The following SLC5A10 variants were observed in gnomAD, a reference collection of about 807,000 sequenced individuals.
SLC5A10 encodes the protein sodium/mannose cotransporter SLC5A10.
A neutral mutation model predicts 68.9 loss-of-function variants in SLC5A10; 55 were observed. That is an observed-to-expected ratio of 0.80 (90% CI 0.64 to 1.00). The LOEUF is 1.00. Ranked by LOEUF, SLC5A10 falls within the 50% of genes least tolerant of loss-of-function variation. SLC5A10 has a pLI of 0.00. For synonymous variants in SLC5A10, 344 were observed against 344.8 expected (o/e 1.00, Z 0.02); for missense variants, 732 against 819.3 (o/e 0.89, Z 1.30).
At chr17:18,951,870 C>A (rs1375371853), upstream of SLC5A10, 3 of 296,622 alleles carry the variant, frequency 1.0e-5, no homozygotes, top group Non-Finnish European at 1.9e-5. Context: ...GCAACCCAGC[C>A]TTTCTGGGAC....
Position 19,021,823 on chromosome 17 carries a change from CAGTT to C in SLC5A10, c.*1395_*1398del. Reference sequence around the variant, plus strand: ...CCAGTTTGTGCAGAGCGGCCGGAGGCAGTTAGGAGCCCACGTTCAGTCCAAGGCC... The same window carrying C: ...CCAGTTTGTGCAGAGCGGCCGGAGGCAGGAGCCCACGTTCAGTCCAAGGCC... On this transcript the variant is annotated 3_prime_UTR_variant, in exon 15 of 15. Transcript: ENST00000395645. This position sits in a 1 kb window ranked among gnomAD's most constrained non-coding sequence, Gnocchi z 4.1. The C allele has an allele frequency of 1.1e-6, 1 of 875,264 alleles. No individual in the cohort carries two copies. The allele number at this position is 875,264 out of a possible 1,614,324, so 54.2% of individuals were successfully genotyped here.
chr17:18,958,203 G>T (rs1264106783), intron 1 of SLC5A10, among the ~76,000 whole-genome samples: 1 of 152,116 alleles, frequency 6.6e-6, no homozygotes, highest in African/African-American at 2.4e-5. Context: ...CCTAAGTAGC[G>T]GGGGCCACAG....
rs192494456 is a variant in SLC5A10 at position 18,978,928 on chromosome 17, T to C, written c.982+1939T>C. The C allele has an allele frequency of 1.8e-4, 275 of 1,531,510 alleles. No homozygotes were observed. In the African/African-American group the frequency reaches 3.3e-3, roughly 18 times the overall value. The allele number at this position is 1,531,510 out of a possible 1,614,324, so 94.9% of individuals were successfully genotyped here. A position where few individuals can be genotyped will look rare whatever the true frequency, so the allele number is the denominator to read the frequency against. ...CCAGCCCCCGTGCACCCATAGCCGCTGGGCCTCAGACTGTGGCCACAGGGC... is the reference window on the plus strand; with the variant it reads ...CCAGCCCCCGTGCACCCATAGCCGCCGGGCCTCAGACTGTGGCCACAGGGC... On this transcript the variant is annotated intron_variant, in intron 9 of 14. Transcript: ENST00000395645.
intron 9 of SLC5A10, chr17:18,977,858 C>T (rs771971752): frequency 1.2e-6 from 2 of 1,610,906 alleles, no homozygotes; most frequent in Admixed American, 1.7e-5. Flanking sequence ...GGGGCCAGGG[C>T]CACGGCCGGA....
At chr17:18,962,249 C>T (rs576951805) in intron 5 of SLC5A10, among the ~76,000 whole-genome samples, 3 of 152,162 alleles carry the variant, frequency 2.0e-5, no homozygotes, top group East Asian at 3.9e-4. Context: ...GAGGACACAG[C>T]GGGGCTTGCT....
At chr17:19,010,108 C>T (rs1262473837) in intron 9 of SLC5A10, among the ~76,000 whole-genome samples, 3 of 152,038 alleles carry the variant, frequency 2.0e-5, no homozygotes, top group African/African-American at 4.8e-5. Flanking sequence ...ACCCCGGCAG[C>T]GGCTGGAGAG....
At chr17:18,976,701 T>G in intron 8 of SLC5A10, 153 bp from the exon 9 acceptor site, 2 of 969,454 alleles carry the variant, frequency 2.1e-6, no homozygotes, top group Non-Finnish European at 1.5e-6. Flanking sequence ...ACCCTGACAG[T>G]ATTGGGGCTT....
Position 19,021,954 on chromosome 17 carries a change from G to A in SLC5A10, c.*1523G>A. 1 of 1,519,754 alleles carries A rather than the reference G, an allele frequency of 6.6e-7. No homozygotes were observed. Among genetic ancestry groups the A allele is most frequent in the Non-Finnish European group, 8.8e-7 (1 of 1,135,082 alleles). The allele number at this position is 1,519,754 out of a possible 1,614,324, so 94.1% of individuals were successfully genotyped here. ...GCCCGTTGGCCAGATCGGCCGCCGG[G>A]CTGCTCACAGGTGCACGGGCTGCAC... On this transcript the variant is annotated 3_prime_UTR_variant, in exon 15 of 15. Transcript: ENST00000395645. This position sits in a 1 kb window ranked among gnomAD's most constrained non-coding sequence, Gnocchi z 4.1.
Position 18,976,875 on chromosome 17 carries a change from T to A in SLC5A10, c.868T>A (p.Ser290Thr). Reference protein sequence around the residue: ...TDQVIVQRSLSARDLNHAKAG... With the variant: ...TDQVIVQRSLTARDLNHAKAG... Reference sequence around the variant, plus strand: ...CCAGGTCATCGTGCAGCGATCACTGTCAGCCCGGGACCTGAACCATGCCAA... The same window carrying A: ...CCAGGTCATCGTGCAGCGATCACTGACAGCCCGGGACCTGAACCATGCCAA... The change falls in exon 9 of 15, where the codon TCA (serine) becomes ACA (threonine). Residue 290 changes from serine (S) to threonine (T), a missense_variant. By Grantham distance (58) the Ser-to-Thr change is moderately conservative (BLOSUM62 1). Transcript: ENST00000395645. 1 of 1,613,610 alleles carries A rather than the reference T, an allele frequency of 6.2e-7. No homozygotes were observed. The highest frequency in any genetic ancestry group is 8.5e-7 in the Non-Finnish European group (1 of 1,180,012).
chr17:18,969,408 T>A lies in SLC5A10; in HGVS notation c.626T>A (p.Ile209Asn), dbSNP rs201844800. ...CTCATCATGGTGGTGGGGGCTGTCA[T>A]CCTGACAATCAAAGGTGAGGACAGA... ...QTLIMVVGAV[I>N]LTIKAFDQIG... The change falls in exon 7 of 15, where the codon ATC becomes AAC. Residue 209 changes from isoleucine (I) to asparagine (N), a missense_variant. Transcript: ENST00000395645. The A allele has an allele frequency of 4.4e-5, 71 of 1,613,750 alleles. 1 individual carries two copies. In the Admixed American group the frequency reaches 1.0e-3, roughly 23 times the overall value.
intron 9 of SLC5A10, chr17:18,978,560 TC>T: frequency 1.7e-5 from 27 of 1,613,252 alleles, no homozygotes; most frequent in Non-Finnish European, 2.1e-5. Context: ...CTTCTTGGCC[TC>T]CTGCTTCTCA....
At chr17:18,976,467 T>G in intron 8 of SLC5A10, 1 of 178,126 alleles carries the variant, frequency 5.6e-6, no homozygotes, top group Non-Finnish European at 1.2e-5. Context: ...CCTGGCACTA[T>G]AAATGTGCCA....
At chr17:18,954,486 C>T (rs2042447344) in intron 1 of SLC5A10, among the ~76,000 whole-genome samples, 1 of 152,172 alleles carries the variant, frequency 6.6e-6, no homozygotes, top group Non-Finnish European at 1.5e-5. Flanking sequence ...CTAGGCTGGC[C>T]CAGCTGGGAG....
intron 8 of SLC5A10, among the ~76,000 whole-genome samples, chr17:18,975,276 C>G (rs1037776991): frequency 6.6e-6 from 1 of 152,220 alleles, no homozygotes; most frequent in African/African-American, 2.4e-5. Context: ...GCCCTGCGTT[C>G]GGAGGCTGCA....
chr17:18,984,842 T>C (rs2043229500), intron 9 of SLC5A10, among the ~76,000 whole-genome samples: 1 of 152,178 alleles, frequency 6.6e-6, no homozygotes, highest in Non-Finnish European at 1.5e-5. Context: ...TGCTCCCTAT[T>C]TGTCATTTGG....
rs2042599474 is a variant in SLC5A10 at position 18,960,796 on chromosome 17, G to C, written c.453+144G>C. 1.1e-5 allele frequency: 9 copies of C among 821,184 alleles called. No homozygotes were observed. In the Admixed American group the frequency reaches 1.5e-4, roughly 14 times the overall value. The allele number at this position is 821,184 out of a possible 1,614,324, so 50.9% of individuals were successfully genotyped here. A position where few individuals can be genotyped will look rare whatever the true frequency, so the allele number is the denominator to read the frequency against. On this transcript the variant is annotated intron_variant, in intron 5 of 14. Transcript: ENST00000395645. ...GAGGCCCAGAGAGGGGCAATGACTT[G>C]CCCAGGGTCACGCAGCGAGTCTGGA...
chr17:19,019,360 G>A lies in SLC5A10; in HGVS notation c.1242-63G>A, dbSNP rs1350491897. ...AGAGAGCAAGTCTTAGTGACCAGGG[G>A]AGGTGGGAGAGAGCTGAAGAGCCTC... On this transcript the variant is annotated intron_variant, in intron 11 of 14. Coordinates refer to ENST00000395645, the MANE Select transcript of SLC5A10 (RefSeq NM_001042450.4). The A allele has an allele frequency of 1.9e-6, 3 of 1,553,434 alleles. No homozygotes were observed. In the African/African-American group the frequency reaches 4.1e-5, roughly 21 times the overall value.
At chr17:19,012,404 A>G (rs2044033433) in intron 9 of SLC5A10, among the ~76,000 whole-genome samples, 1 of 152,232 alleles carries the variant, frequency 6.6e-6, no homozygotes, top group Non-Finnish European at 1.5e-5. Flanking sequence ...CATTCAACAG[A>G]TGAGCCGTGT....
At chr17:18,977,515 C>T (rs987981654) in intron 9 of SLC5A10, 1 of 1,459,492 alleles carries the variant, frequency 6.9e-7, no homozygotes. Flanking sequence ...CAGAAGACAA[C>T]AGCTCGAGCT....
Sources: allele counts gnomAD v4.1 joint callset (sites outside exome capture counted in the v4.1 genomes callset), GRCh38; gene constraint gnomAD v4.1.1; non-coding constraint Gnocchi (gnomAD v3.1); transcripts MANE v1.5; gene names NCBI Gene and HGNC (gene_info 2026-07-23, HGNC 2026-07-21).